The following NUDT21 variants were observed in gnomAD, a reference collection of about 807,000 sequenced individuals.
NUDT21 encodes the protein cleavage and polyadenylation specificity factor subunit 5.
Under a neutral mutation model 29.8 loss-of-function variants are expected in NUDT21, and 5 were observed. The ratio of observed to expected loss-of-function variants is 0.17; its 90% CI spans 0.09 to 0.35. NUDT21 has a LOEUF of 0.35. Ranked by LOEUF, NUDT21 falls within the 10% of genes least tolerant of loss-of-function variation. The probability of loss-of-function intolerance (pLI) is 1.00; values close to 1 mark genes in which losing one functional copy is unlikely to be tolerated. For synonymous variants in NUDT21, 113 were observed against 98.5 expected, an observed-to-expected ratio of 1.15 and a Z score of -0.87; for missense variants, 76 against 276.0, an observed-to-expected ratio of 0.28 and a Z score of 5.13.
At chr16:56,448,142 G>A (rs1429795829) in intron 1 of NUDT21, among the ~76,000 whole-genome samples, 153 bp from the exon 2 acceptor site, 1 of 152,232 alleles carries the variant, frequency 6.6e-6, no homozygotes, top group Non-Finnish European at 1.5e-5. Flanking sequence ...TGAAACAGCA[G>A]AGACTGGAAT....
At position 56,432,232 on chromosome 16, in the gene NUDT21, G is replaced by A. The variant is rs2143930234; in HGVS notation, c.*480C>T. The A allele has an allele frequency of 6.5e-6, 1 of 153,564 alleles. No homozygotes were observed. Among genetic ancestry groups the A allele is most frequent in the Admixed American group, 6.4e-5 (1 of 15,532 alleles). 9.5% of individuals were successfully genotyped at this position (153,564 alleles called of 1,614,324 possible). ...CAATTCATTTAGGAGTTGCACCTTG[G>A]ACTCACTCAGATAAATATAGTTTTC... On this transcript the variant is annotated 3_prime_UTR_variant, in exon 7 of 7. Coordinates refer to ENST00000300291, the MANE Select transcript of NUDT21 (RefSeq NM_007006.3).
intron 2 of NUDT21, chr16:56,446,937 C>T (rs375439179): frequency 1.2e-5 from 4 of 341,208 alleles, no homozygotes; most frequent in African/African-American, 4.3e-5. Flanking sequence ...GTAGATTCAA[C>T]GGGTACATGT....
intron 3 of NUDT21, 127 bp downstream of exon 3, chr16:56,446,499 C>A: frequency 3.5e-6 from 2 of 571,288 alleles, no homozygotes; most frequent in South Asian, 2.4e-5. Context: ...ATTGTACTAA[C>A]CTTCTGGAGT....
intron 3 of NUDT21, among the ~76,000 whole-genome samples, chr16:56,440,628 G>A (rs959974184): frequency 2.0e-5 from 3 of 152,200 alleles, no homozygotes; most frequent in African/African-American, 4.8e-5. Context: ...AGAGGTAAAA[G>A]GGCCATTCTC....
At chr16:56,448,123 TA>T (rs1962239592) in intron 1 of NUDT21, 134 bp from the exon 2 acceptor site, 1 of 697,822 alleles carries the variant, frequency 1.4e-6, no homozygotes, top group Non-Finnish European at 2.4e-6. Context: ...TACAGTTAAC[TA>T]AAGTTAATGA....
intron 3 of NUDT21, among the ~76,000 whole-genome samples, chr16:56,439,997 G>A (rs1446794941): frequency 6.6e-6 from 1 of 152,114 alleles, no homozygotes; most frequent in Non-Finnish European, 1.5e-5. Context: ...TTATTAATTT[G>A]TATAGCAGAA....
intron 1 of NUDT21, among the ~76,000 whole-genome samples, chr16:56,449,935 A>G (rs540675102): frequency 1.2e-4 from 18 of 152,148 alleles, no homozygotes; most frequent in Non-Finnish European, 2.5e-4. Context: ...CACAACTATC[A>G]ACTAATTCCA....
intron 4 of NUDT21, 24 bp from the exon 5 acceptor site, chr16:56,434,853 T>TA: frequency 7.5e-6 from 10 of 1,331,046 alleles, no homozygotes; most frequent in Non-Finnish European, 1.1e-5. Context: ...TGAATACAAC[T>TA]TTAATATGTA....
At chr16:56,441,518 C>T (rs1387426941) in intron 3 of NUDT21, among the ~76,000 whole-genome samples, 1 of 152,216 alleles carries the variant, frequency 6.6e-6, no homozygotes, top group African/African-American at 2.4e-5. Context: ...CTGGCGTGAG[C>T]CACTGCGCCT....
intron 3 of NUDT21, among the ~76,000 whole-genome samples, chr16:56,446,261 C>T (rs1178609099): frequency 6.6e-6 from 1 of 152,206 alleles, no homozygotes; most frequent in African/African-American, 2.4e-5. Flanking sequence ...ATTCAAACCT[C>T]TGGCTCTACA....
chr16:56,436,531 G>T (rs1302484813), intron 4 of NUDT21, among the ~76,000 whole-genome samples: 1 of 152,170 alleles, frequency 6.6e-6, no homozygotes, highest in Non-Finnish European at 1.5e-5. Context: ...GGCTTTGGAG[G>T]TTCCTTAAAC....
intron 4 of NUDT21, chr16:56,435,089 C>A: frequency 7.4e-6 from 2 of 270,362 alleles, no homozygotes; most frequent in Non-Finnish European, 1.4e-5. Context: ...TAATGAAGTC[C>A]GATTTTAATT....
chr16:56,443,138 T>C (rs541337057), intron 3 of NUDT21, among the ~76,000 whole-genome samples: 1 of 152,292 alleles, frequency 6.6e-6, no homozygotes, highest in East Asian at 1.9e-4. Context: ...TGCTTAATTG[T>C]CACCTCTGTG....
chr16:56,439,654 G>A lies in NUDT21; in HGVS notation c.471+3C>T, dbSNP rs1962139698. 2 of 1,599,586 alleles carry A rather than the reference G, an allele frequency of 1.3e-6. No homozygotes were observed. The highest frequency in any genetic ancestry group is 1.7e-6 in the Non-Finnish European group (2 of 1,166,778). ...TGCCCAGCAAATGTAACTGAACACTGACCTGAGGAGGTTCAAAATTTGGTC... is the reference window on the plus strand; with the variant it reads ...TGCCCAGCAAATGTAACTGAACACTAACCTGAGGAGGTTCAAAATTTGGTC... On this transcript the variant is annotated splice_donor_region_variant and intron_variant, in intron 4 of 6. Transcript: ENST00000300291.
chr16:56,449,125 A>AT (rs1427015433), intron 1 of NUDT21: 13 of 152,206 alleles, frequency 8.5e-5, no homozygotes, highest in African/African-American at 3.1e-4. Flanking sequence ...GTGCCAAGCA[A>AT]TTTTTTAAAA....
intron 3 of NUDT21, among the ~76,000 whole-genome samples, chr16:56,440,538 C>T (rs765325444): frequency 1.3e-4 from 20 of 151,984 alleles, no homozygotes; most frequent in Non-Finnish European, 2.6e-4. Context: ...ATCTTGATAG[C>T]TTTGAGGAAT....
At chr16:56,436,537 T>TA (rs1333973026) in intron 4 of NUDT21, among the ~76,000 whole-genome samples, 1 of 152,192 alleles carries the variant, frequency 6.6e-6, no homozygotes, top group Non-Finnish European at 1.5e-5. Context: ...GGAGGTTCCT[T>TA]AAACTGTCAT....
chr16:56,444,697 T>C (rs1387251928), intron 3 of NUDT21, among the ~76,000 whole-genome samples: 1 of 151,318 alleles, frequency 6.6e-6, no homozygotes, highest in Non-Finnish European at 1.5e-5. Flanking sequence ...CTATTCAGAA[T>C]AGGAACTCTT....
chr16:56,451,015 G>T, intron 1 of NUDT21, 72 bp downstream of exon 1: 2 of 1,331,890 alleles, frequency 1.5e-6, no homozygotes, highest in Non-Finnish European at 2.1e-6. Context: ...GCGCCGAAAA[G>T]CCGGGGGCGC....
Sources: gnomAD v4.1 joint callset for allele counts (sites outside exome capture counted in the v4.1 genomes callset) on GRCh38, gnomAD v4.1.1 for gene constraint, MANE v1.5 for transcripts, NCBI Gene and HGNC (gene_info 2026-07-23, HGNC 2026-07-21) for gene names.